The following LRRIQ1 variants were observed in gnomAD, a reference collection of about 807,000 sequenced individuals.
The protein encoded by LRRIQ1 is leucine-rich repeat- and IQ domain-containing protein 1.
In LRRIQ1, 210 loss-of-function variants were observed where a neutral mutation model predicts 211.9. The ratio of observed to expected loss-of-function variants is 0.99; its 90% CI spans 0.89 to 1.11. The LOEUF is 1.11. LRRIQ1 is among the 50% of genes most tolerant of loss of function. The pLI is 0.00. For synonymous variants in LRRIQ1, 699 were observed against 650.1 expected, an observed-to-expected ratio of 1.08 and a Z score of -1.14; for missense variants, 2,136 against 1,939.5, an observed-to-expected ratio of 1.10 and a Z score of -1.90.
rs989195460 is a variant in LRRIQ1 at position 85,236,855 on chromosome 12, A to C, written c.5016+4099A>C. Among the ~76,000 whole-genome samples the C allele has an allele frequency of 2.4e-4, 35 of 144,730 alleles. 1 individual carries two copies. The highest frequency in any genetic ancestry group is 8.3e-4 in the Admixed American group (12 of 14,494). The allele number at this position is 144,730 out of a possible 152,430, so 94.9% of individuals were successfully genotyped here. A position where few individuals can be genotyped will look rare whatever the true frequency, so the allele number is the denominator to read the frequency against. On this transcript the variant is annotated intron_variant, in intron 26 of 26. Coordinates refer to ENST00000393217, the MANE Select transcript of LRRIQ1 (RefSeq NM_001079910.2). ...CATATATATATATATATATATATATATCTCCCAGATTATTTTTACATACAG... is the reference window on the plus strand; with the variant it reads ...CATATATATATATATATATATATATCTCTCCCAGATTATTTTTACATACAG...
intron 1 of LRRIQ1, among the ~76,000 whole-genome samples, chr12:85,253,546 A>G (rs920169666): frequency 6.6e-6 from 1 of 152,054 alleles, no homozygotes; most frequent in Non-Finnish European, 1.5e-5. Context: ...GAACCACAAC[A>G]TTCTCATTAT....
At chr12:85,155,565 T>C (rs1435019407) in intron 23 of LRRIQ1, among the ~76,000 whole-genome samples, 1 of 151,650 alleles carries the variant, frequency 6.6e-6, no homozygotes, top group Non-Finnish European at 1.5e-5. Flanking sequence ...TTGAGAATAA[T>C]AACAATTTCT....
chr12:85,145,415 C>G (rs565167294), intron 19 of LRRIQ1, among the ~76,000 whole-genome samples: 3 of 151,750 alleles, frequency 2.0e-5, no homozygotes, highest in Non-Finnish European at 3.0e-5. Flanking sequence ...ACACTTACAA[C>G]CAAGAGTCAT....
intron 11 of LRRIQ1, among the ~76,000 whole-genome samples, chr12:85,075,282 A>G (rs1883521120): frequency 1.3e-5 from 2 of 152,052 alleles, no homozygotes; most frequent in East Asian, 3.9e-4. Context: ...CCCTGCCTCT[A>G]CAATTTTTTT....
At chr12:85,251,631 A>G (rs1356755192) in intron 1 of LRRIQ1, among the ~76,000 whole-genome samples, 2 of 151,936 alleles carry the variant, frequency 1.3e-5, no homozygotes, top group Non-Finnish European at 2.9e-5. Flanking sequence ...GGAGTAGACC[A>G]TATCTAAATT....
intron 20 of LRRIQ1, among the ~76,000 whole-genome samples, 194 bp downstream of exon 20, chr12:85,152,563 T>C (rs1192808176): frequency 1.3e-5 from 2 of 151,730 alleles, no homozygotes; most frequent in African/African-American, 4.8e-5. Context: ...TTTTCTTTAT[T>C]TTGGATTTCT....
At chr12:85,149,164 G>C (rs1055345144) in intron 19 of LRRIQ1, among the ~76,000 whole-genome samples, 3 of 151,670 alleles carry the variant, frequency 2.0e-5, no homozygotes, top group Admixed American at 2.0e-4. Context: ...ATTAGATCCC[G>C]TTTGTGAATT....
At position 85,187,765 on chromosome 12, in the gene LRRIQ1, C is replaced by T. The variant is rs140346232; in HGVS notation, c.4822+27051C>T. Among the ~76,000 whole-genome samples, 29 of 148,462 alleles carry T rather than the reference C, an allele frequency of 2.0e-4. 1 individual carries two copies. In the East Asian group the frequency reaches 5.8e-3, roughly 30 times the overall value. ...CGGAGATTGCAGTGAGCCAAGATGA[C>T]ACTACTGCACTCCAGCCAGGGCAAC... On this transcript the variant is annotated intron_variant, in intron 24 of 26. Transcript: ENST00000393217.
intron 13 of LRRIQ1, among the ~76,000 whole-genome samples, chr12:85,100,741 G>A (rs922577615): frequency 6.6e-6 from 1 of 151,672 alleles, no homozygotes; most frequent in African/African-American, 2.4e-5. Context: ...AAGGGAGAAG[G>A]CCCAAGAGCA....
At chr12:85,254,539 C>T (rs1896034903) in intron 1 of LRRIQ1, among the ~76,000 whole-genome samples, 1 of 152,022 alleles carries the variant, frequency 6.6e-6, no homozygotes, top group Non-Finnish European at 1.5e-5. Flanking sequence ...AATGTCCTTG[C>T]TTGCATGCTT....
chr12:85,130,325 T>A (rs914881667), intron 18 of LRRIQ1, among the ~76,000 whole-genome samples: 19 of 152,092 alleles, frequency 1.2e-4, no homozygotes, highest in African/African-American at 4.3e-4. Flanking sequence ...TCACTTACTA[T>A]CTCCAAATGT....
chr12:85,038,239 TTCC>T lies in LRRIQ1; in HGVS notation c.68_70del (p.Ser23del). ...AAGCTGAATTGGATAAACTCAGCAT[TTCC>T]TCCTTGGAAAAAGAAGACATTGAGA... On this transcript the variant is annotated inframe_deletion, in exon 2 of 27. Coordinates refer to ENST00000393217, the MANE Select transcript of LRRIQ1 (RefSeq NM_001079910.2). 1 of 1,586,358 alleles carries T rather than the reference TTCC, an allele frequency of 6.3e-7. No individual in the cohort carries two copies. Among genetic ancestry groups the T allele is most frequent in the Non-Finnish European group, 8.6e-7 (1 of 1,164,702 alleles).
chr12:85,097,897 C>T (rs1461350365), intron 11 of LRRIQ1, among the ~76,000 whole-genome samples: 1 of 151,910 alleles, frequency 6.6e-6, no homozygotes, highest in Non-Finnish European at 1.5e-5. Context: ...TATTGAAATA[C>T]CTGAAGAATA....
chr12:85,047,402 GA>G lies in LRRIQ1; in HGVS notation c.612del (p.Glu205LysfsTer7), dbSNP rs1299220912. The G allele has an allele frequency of 6.3e-7, 1 of 1,598,784 alleles. No homozygotes were observed. The highest frequency in any genetic ancestry group is 8.5e-7 in the Non-Finnish European group (1 of 1,171,820). Reference protein sequence around the residue: ...DREEKQFQEEEEKRHCWMKQF... With the variant: ...DREEKQFQEEXEKRHCWMKQF... ...AGAAGAAAAACAATTTCAAGAAGAA[GA>G]AGAAAAGCGACATTGCTGGATGAAA... On this transcript the variant is annotated frameshift_variant, in exon 6 of 27. Transcript: ENST00000393217. LOFTEE classifies it high-confidence loss of function.
intron 26 of LRRIQ1, among the ~76,000 whole-genome samples, chr12:85,241,707 C>T (rs777391226): frequency 6.6e-6 from 1 of 151,912 alleles, no homozygotes; most frequent in Non-Finnish European, 1.5e-5. Context: ...CTTTATAAAA[C>T]TCGCTTTCTC....
At chr12:85,262,283 A>G (rs901071826) in intron 1 of LRRIQ1, among the ~76,000 whole-genome samples, 12 of 152,086 alleles carry the variant, frequency 7.9e-5, no homozygotes, top group Non-Finnish European at 1.8e-4. Flanking sequence ...ACCACTTACA[A>G]CATAATCAGA....
chr12:85,121,988 T>C (rs1377691333), intron 16 of LRRIQ1, 112 bp downstream of exon 16: 5 of 842,932 alleles, frequency 5.9e-6, no homozygotes, highest in Non-Finnish European at 8.1e-6. Flanking sequence ...TAGAACAGTG[T>C]GTTTTGGGGA....
intron 24 of LRRIQ1, among the ~76,000 whole-genome samples, chr12:85,174,701 C>CAAAAAAAAAAAAAA (rs71076115): frequency 0.012 from 261 of 21,576 alleles, 69 homozygotes; most frequent in African/African-American, 0.067. Context: ...GAGTACAGCT[C>CAAAAAAAAAAAAAA]AAAAAAAAAA....
intron 19 of LRRIQ1, 53 bp from the exon 20 acceptor site, chr12:85,152,227 A>G: frequency 6.9e-7 from 1 of 1,450,306 alleles, no homozygotes; most frequent in South Asian, 1.3e-5. Flanking sequence ...TAAAAGAAAC[A>G]TTGTAAAAGT....
Sources: allele counts gnomAD v4.1 joint callset (sites outside exome capture counted in the v4.1 genomes callset), GRCh38; gene constraint gnomAD v4.1.1; transcripts MANE v1.5; gene names NCBI Gene and HGNC (gene_info 2026-07-23, HGNC 2026-07-21).